ERBB4: variants seen among roughly 807,000 people sequenced by gnomAD.
The protein encoded by ERBB4 is receptor tyrosine-protein kinase erbB-4.
In ERBB4, 42 loss-of-function variants were observed where a neutral mutation model predicts 158.0. The ratio of observed to expected loss-of-function variants is 0.27; its 90% CI spans 0.21 to 0.34. The LOEUF is 0.34. ERBB4 is among the 10% of genes least tolerant of loss of function. ERBB4 has a pLI of 1.00. For synonymous variants in ERBB4, 583 were observed against 558.7 expected (o/e 1.04, Z -0.61); for missense variants, 1,333 against 1,624.1 (o/e 0.82, Z 3.08).
At position 212,337,802 on chromosome 2, in the gene ERBB4, T is replaced by C. The variant is rs117557221; in HGVS notation, c.82+200647A>G. 3.3e-5 allele frequency among the ~76,000 whole-genome samples: 5 copies of C among 152,234 alleles called. No homozygotes were observed. In the East Asian group the frequency reaches 9.7e-4, roughly 29 times the overall value. ...CTTTGTAACTGAGTTTTTGCACTGT[T>C]TCAAAGGTTTTGTTTTCAAATATGC... On this transcript the variant is annotated intron_variant, in intron 1 of 27. Coordinates refer to ENST00000342788, the MANE Select transcript of ERBB4 (RefSeq NM_005235.3).
intron 1 of ERBB4, among the ~76,000 whole-genome samples, chr2:212,159,792 T>A (rs1226073959): frequency 6.6e-6 from 1 of 151,992 alleles, no homozygotes; most frequent in African/African-American, 2.4e-5. Flanking sequence ...GACACTGTTC[T>A]GAAATGCTAC....
At chr2:212,507,394 T>C (rs1049241980) in intron 1 of ERBB4, among the ~76,000 whole-genome samples, 2 of 152,194 alleles carry the variant, frequency 1.3e-5, no homozygotes, top group Non-Finnish European at 2.9e-5. Context: ...TCTTATTATT[T>C]ATGAAATATA....
chr2:211,958,342 T>C (rs2081086749), intron 2 of ERBB4, among the ~76,000 whole-genome samples: 1 of 152,118 alleles, frequency 6.6e-6, no homozygotes, highest in Non-Finnish European at 1.5e-5. Context: ...GGCCATGGAC[T>C]TGTAGACAAG....
At chr2:211,733,158 T>C (rs2074484477) in intron 5 of ERBB4, among the ~76,000 whole-genome samples, 1 of 152,210 alleles carries the variant, frequency 6.6e-6, no homozygotes, top group African/African-American at 2.4e-5. Flanking sequence ...TATTCATTTA[T>C]TTAATGAAGT....
chr2:211,607,991 G>A (rs943218637), intron 19 of ERBB4, among the ~76,000 whole-genome samples: 7 of 147,108 alleles, frequency 4.8e-5, no homozygotes, highest in Non-Finnish European at 8.9e-5. Flanking sequence ...CACCTAACAA[G>A]CTGGGACTAT....
At chr2:211,933,437 G>C (rs576795914) in intron 3 of ERBB4, among the ~76,000 whole-genome samples, 2 of 152,028 alleles carry the variant, frequency 1.3e-5, no homozygotes, top group Admixed American at 6.6e-5. Flanking sequence ...CTTTGAACAA[G>C]ACTATGAAAT....
intron 9 of ERBB4, among the ~76,000 whole-genome samples, chr2:211,710,903 G>T (rs1412467874): frequency 5.3e-5 from 8 of 151,828 alleles, no homozygotes; most frequent in Non-Finnish European, 5.9e-5. Flanking sequence ...AAATTACCCA[G>T]TCTCGGGTGT....
intron 1 of ERBB4, among the ~76,000 whole-genome samples, chr2:212,507,953 G>A (rs1317369894): frequency 1.3e-5 from 2 of 152,080 alleles, no homozygotes; most frequent in Non-Finnish European, 2.9e-5. Flanking sequence ...ATGAAAGGAA[G>A]AGTCAACAAA....
chr2:212,216,487 T>C (rs1463159455), intron 1 of ERBB4, among the ~76,000 whole-genome samples: 1 of 151,382 alleles, frequency 6.6e-6, no homozygotes, highest in African/African-American at 2.4e-5. Context: ...ATTTTTTATC[T>C]TGTAGTTCAT....
At chr2:211,635,559 G>A (rs966273642) in intron 16 of ERBB4, among the ~76,000 whole-genome samples, 3 of 151,956 alleles carry the variant, frequency 2.0e-5, no homozygotes, top group African/African-American at 4.8e-5. Flanking sequence ...AAAAACATCC[G>A]GATATTTTCT....
intron 20 of ERBB4, chr2:211,535,589 A>ATGTATG (rs1553561683): frequency 2.3e-4 from 33 of 144,730 alleles, no homozygotes; most frequent in African/African-American, 8.2e-4. Flanking sequence ...GAGAGAGTGT[A>ATGTATG]TGTGTGTGTG....
intron 1 of ERBB4, among the ~76,000 whole-genome samples, chr2:212,350,603 T>C (rs2089210345): frequency 6.6e-6 from 1 of 152,162 alleles, no homozygotes; most frequent in African/African-American, 2.4e-5. Flanking sequence ...TCCCTATTAA[T>C]ATTAGAAAAT....
chr2:212,465,159 T>C (rs780166301), intron 1 of ERBB4, among the ~76,000 whole-genome samples: 6 of 152,170 alleles, frequency 3.9e-5, no homozygotes, highest in Non-Finnish European at 8.8e-5. Flanking sequence ...CCAGCATTTA[T>C]ATAATTCTCT....
At chr2:211,680,808 C>T (rs10173674) in intron 12 of ERBB4, among the ~76,000 whole-genome samples, 87,616 of 152,074 alleles carry the variant, frequency 0.58, 26,481 homozygotes, top group Non-Finnish European at 0.62. Context: ...TCTCTTTCAG[C>T]ATAGTTTAAG....
chr2:211,595,655 GA>G (rs2125802034), intron 19 of ERBB4, among the ~76,000 whole-genome samples: 1 of 152,254 alleles, frequency 6.6e-6, no homozygotes, highest in African/African-American at 2.4e-5. Flanking sequence ...AACCTCTGAA[GA>G]ACAACAGCCC....
At chr2:212,036,224 T>C (rs898680455) in intron 2 of ERBB4, among the ~76,000 whole-genome samples, 3 of 152,140 alleles carry the variant, frequency 2.0e-5, no homozygotes, top group African/African-American at 7.2e-5. Context: ...CAAAGGCTTC[T>C]CCTGAACTGT....
intron 12 of ERBB4, among the ~76,000 whole-genome samples, chr2:211,687,253 C>T (rs11890038): frequency 0.021 from 3,139 of 149,000 alleles, 116 homozygotes; most frequent in African/African-American, 0.074. Context: ...TGCAGTGAGC[C>T]GAGATCGCAC....
intron 1 of ERBB4, among the ~76,000 whole-genome samples, chr2:212,530,876 G>A (rs1692720763): frequency 6.6e-6 from 1 of 152,134 alleles, no homozygotes; most frequent in African/African-American, 2.4e-5. Context: ...AGTGTTTATT[G>A]TACCATTCAC....
chr2:211,886,003 T>C (rs776498725), intron 3 of ERBB4, among the ~76,000 whole-genome samples: 25 of 152,174 alleles, frequency 1.6e-4, no homozygotes, highest in Non-Finnish European at 3.2e-4. Flanking sequence ...ACGTCAAATA[T>C]TTTTACCAAT....
Sources: allele counts gnomAD v4.1 joint callset (sites outside exome capture counted in the v4.1 genomes callset), GRCh38; gene constraint gnomAD v4.1.1; transcripts MANE v1.5; gene names NCBI Gene and HGNC (gene_info 2026-07-23, HGNC 2026-07-21).